Variants in IBTK observed in about 807,000 individuals in gnomAD.
The protein encoded by IBTK is inhibitor of Bruton tyrosine kinase.
IBTK carries 83 observed loss-of-function variants against 154.9 expected under a neutral mutation model. The ratio of observed to expected loss-of-function variants is 0.54; its 90% CI spans 0.45 to 0.64. The LOEUF (loss-of-function observed/expected upper bound fraction) is 0.64, where lower values mean the gene tolerates loss of function less well. Among genes scored for constraint, IBTK ranks in the 30% least tolerant of loss-of-function variants. The pLI is 0.00. For synonymous variants in IBTK, 515 were observed against 536.1 expected (o/e 0.96, Z 0.54); for missense variants, 1,332 against 1,584.6 (o/e 0.84, Z 2.71).
intron 21 of IBTK, among the ~76,000 whole-genome samples, chr6:82,197,673 T>C (rs1313264460): frequency 6.6e-6 from 1 of 152,168 alleles, no homozygotes; most frequent in East Asian, 1.9e-4. Context: ...GTCTTGCCTC[T>C]TTTTGAATAT....
chr6:82,187,472 T>C (rs1014931874), intron 25 of IBTK, among the ~76,000 whole-genome samples: 1 of 152,024 alleles, frequency 6.6e-6, no homozygotes. Flanking sequence ...AATCCTAAAG[T>C]GTACAGCAAA....
intron 10 of IBTK, among the ~76,000 whole-genome samples, chr6:82,217,740 C>T (rs533107727): frequency 1.9e-4 from 29 of 152,144 alleles, no homozygotes; most frequent in Non-Finnish European, 3.4e-4. Flanking sequence ...GACTACAATG[C>T]GCCAGGAAAT....
chr6:82,173,375 G>C lies in IBTK; in HGVS notation c.3789C>G (p.Asp1263Glu). ...GNHISDLPLLDSPNPWLSSSV... is the reference protein window; with the variant it reads ...GNHISDLPLLESPNPWLSSSV... ...TTATCAATTAACCTTACTTGGGACT[G>C]TCTAGAAGTGGTAAATCTGAAATAT... The change falls in exon 27 of 29, where the codon GAC becomes GAG. Residue 1263 changes from aspartate (D) to glutamate (E), a missense_variant. By Grantham distance (45) the Asp-to-Glu change is conservative (BLOSUM62 2). Transcript: ENST00000306270. The C allele has an allele frequency of 6.2e-7, 1 of 1,612,018 alleles. No individual in the cohort carries two copies. Among genetic ancestry groups the C allele is most frequent in the Non-Finnish European group, 8.5e-7 (1 of 1,178,258 alleles).
At chr6:82,223,149 ATT>A (rs1174332706) in intron 8 of IBTK, among the ~76,000 whole-genome samples, 3 of 152,066 alleles carry the variant, frequency 2.0e-5, no homozygotes, top group Non-Finnish European at 4.4e-5. Context: ...TGATTAATCT[ATT>A]TCTGTGCACC....
At chr6:82,237,870 G>C (rs1364153661) in intron 2 of IBTK, among the ~76,000 whole-genome samples, 1 of 152,072 alleles carries the variant, frequency 6.6e-6, no homozygotes, top group Non-Finnish European at 1.5e-5. Context: ...AATTTGACCA[G>C]AAGTTCCTTA....
At chr6:82,219,936 G>A (rs1036890116) in intron 9 of IBTK, among the ~76,000 whole-genome samples, 3 of 152,158 alleles carry the variant, frequency 2.0e-5, no homozygotes, top group East Asian at 3.9e-4. Flanking sequence ...GAGGCCAGGC[G>A]CAGTGGCTCA....
intron 26 of IBTK, among the ~76,000 whole-genome samples, chr6:82,178,531 C>T (rs1379685713): frequency 6.6e-6 from 1 of 152,144 alleles, no homozygotes; most frequent in African/African-American, 2.4e-5. Flanking sequence ...TTTACTCATT[C>T]ATTCACCAGA....
chr6:82,171,880 C>CA (rs1767938242), intron 28 of IBTK, among the ~76,000 whole-genome samples: 1 of 152,188 alleles, frequency 6.6e-6, no homozygotes. Flanking sequence ...TGTTGTTGTA[C>CA]AAGTCTTCTA....
intron 1 of IBTK, among the ~76,000 whole-genome samples, chr6:82,242,018 T>C (rs1163590337): frequency 1.3e-5 from 2 of 152,238 alleles, no homozygotes; most frequent in Non-Finnish European, 2.9e-5. Context: ...GGAAACTAGA[T>C]GATTATAATC....
rs1769250615 is a variant in IBTK, at chr6:82,202,580, G to A, written c.2677C>T (p.Leu893=). ...AAMYSAKQLK[L]SCLQFIGLNM... ...AATCCTATAAACTGTAAACAAGACA[G>A]TTTCAACTGTTTTGCACTATACATT... Residue 893 remains leucine (L), a synonymous_variant, in exon 18 of 29, where the codon CTG becomes TTG. Transcript: ENST00000306270. 1 of 1,611,268 alleles carries A rather than the reference G, an allele frequency of 6.2e-7. No homozygotes were observed.
intron 3 of IBTK, among the ~76,000 whole-genome samples, chr6:82,233,488 C>T (rs1413455254): frequency 6.6e-6 from 1 of 152,068 alleles, no homozygotes; most frequent in Non-Finnish European, 1.5e-5. Flanking sequence ...ACAGTCCTCC[C>T]ATTTTAGATT....
At chr6:82,231,963 T>C in intron 3 of IBTK, 121 bp from the exon 4 acceptor site, 1 of 541,160 alleles carries the variant, frequency 1.8e-6, no homozygotes, top group Middle Eastern at 5.0e-4. Context: ...TAATATGATA[T>C]TAGGTAATTC....
chr6:82,199,122 G>A (rs943070687), intron 21 of IBTK, among the ~76,000 whole-genome samples: 2 of 152,130 alleles, frequency 1.3e-5, no homozygotes, highest in Admixed American at 1.3e-4. Context: ...ATGGTATTGT[G>A]GTTGTGTAGA....
chr6:82,239,711 T>C lies in IBTK; in HGVS notation c.321+455A>G, dbSNP rs143516001. Among the ~76,000 whole-genome samples, 767 of 143,520 alleles carry C rather than the reference T, an allele frequency of 5.3e-3. 12 individuals are homozygous for C. The highest frequency in any genetic ancestry group is 0.019 in the African/African-American group (729 of 38,568). 94.2% of individuals were successfully genotyped at this position (143,520 alleles called of 152,430 possible). ...ATTAAATATATTTTCTTTGTCTTTA[T>C]TCTGCATCGGCCTATAAAAGCTCAC... On this transcript the variant is annotated intron_variant, in intron 2 of 28. Transcript: ENST00000306270.
At chr6:82,211,343 A>G in intron 15 of IBTK, 24 bp downstream of exon 15, 1 of 1,571,850 alleles carries the variant, frequency 6.4e-7, no homozygotes, top group Non-Finnish European at 8.6e-7. Context: ...TTACCAACCT[A>G]GGCGCTTTTT....
chr6:82,173,000 C>T (rs373484176), intron 27 of IBTK: 36 of 149,032 alleles, frequency 2.4e-4, no homozygotes, highest in African/African-American at 9.4e-4. Flanking sequence ...CTCTTATTCT[C>T]TTTTTTTTTT....
intron 5 of IBTK, 176 bp downstream of exon 5, chr6:82,227,016 G>T: frequency 2.0e-6 from 1 of 498,894 alleles, no homozygotes; most frequent in Non-Finnish European, 3.5e-6. Flanking sequence ...CTTTTGCATT[G>T]TATGTAAATC....
In IBTK at chr6:82,171,104, T is replaced by C. The variant is rs1767912327; in HGVS notation, c.*321A>G. ...CTCAAGTTATCAAACAAAAAAGTTA[T>C]TTTTAATACTTTACCCCCCTTATAT... On this transcript the variant is annotated 3_prime_UTR_variant, in exon 29 of 29. Coordinates refer to ENST00000306270, the MANE Select transcript of IBTK (RefSeq NM_015525.4). The C allele has an allele frequency of 6.3e-6, 1 of 159,566 alleles. No individual in the cohort carries two copies. Among genetic ancestry groups the C allele is most frequent in the African/African-American group, 2.4e-5 (1 of 41,682 alleles). 9.9% of individuals were successfully genotyped at this position (159,566 alleles called of 1,614,324 possible).
intron 25 of IBTK, among the ~76,000 whole-genome samples, chr6:82,188,303 G>A (rs770657234): frequency 6.6e-6 from 1 of 152,058 alleles, no homozygotes; most frequent in African/African-American, 2.4e-5. Flanking sequence ...GCTATTTTTA[G>A]CTTTCTTTTT....
Sources: allele counts gnomAD v4.1 joint callset (sites outside exome capture counted in the v4.1 genomes callset), GRCh38; gene constraint gnomAD v4.1.1; transcripts MANE v1.5; gene names NCBI Gene and HGNC (gene_info 2026-07-23, HGNC 2026-07-21).